The following ARHGAP10 variants were observed in gnomAD, a reference collection of about 807,000 sequenced individuals.
ARHGAP10 encodes the protein rho GTPase-activating protein 10.
A neutral mutation model predicts 108.6 loss-of-function variants in ARHGAP10; 87 were observed. That is an observed-to-expected ratio of 0.80 (90% confidence interval 0.67 to 0.96). The LOEUF (loss-of-function observed/expected upper bound fraction) is 0.96. ARHGAP10 is among the 40% of genes least tolerant of loss of function. The pLI is 0.00. For synonymous variants in ARHGAP10, 347 were observed against 341.1 expected (o/e 1.02, Z -0.19); for missense variants, 939 against 954.5 (o/e 0.98, Z 0.21).
At chr4:147,965,213 T>A in intron 17 of ARHGAP10, 84 bp downstream of exon 17, 3 of 970,218 alleles carry the variant, frequency 3.1e-6, no homozygotes, top group Non-Finnish European at 3.0e-6. Context: ...CGGGTGGAAC[T>A]GGGGACCACA....
At chr4:147,775,097 T>C (rs1730231168) in intron 1 of ARHGAP10, among the ~76,000 whole-genome samples, 1 of 152,132 alleles carries the variant, frequency 6.6e-6, no homozygotes, top group Non-Finnish European at 1.5e-5. Context: ...GTATTTTTAG[T>C]AGAGACGGGG....
chr4:147,900,957 A>C (rs1736212026), intron 10 of ARHGAP10, among the ~76,000 whole-genome samples: 1 of 152,152 alleles, frequency 6.6e-6, no homozygotes, highest in African/African-American at 2.4e-5. Flanking sequence ...AATGCGAATA[A>C]TCCAATATAC....
At chr4:147,777,471 C>T (rs1346782314) in intron 1 of ARHGAP10, among the ~76,000 whole-genome samples, 2 of 152,034 alleles carry the variant, frequency 1.3e-5, no homozygotes, top group African/African-American at 4.8e-5. Context: ...CTGTGTTAGC[C>T]AGGATGGTCT....
At chr4:148,050,681 T>A (rs545448652) in intron 20 of ARHGAP10, among the ~76,000 whole-genome samples, 1 of 145,664 alleles carries the variant, frequency 6.9e-6, no homozygotes, top group African/African-American at 2.8e-5. Flanking sequence ...TTGATTCATC[T>A]TCTTTCTTAT....
chr4:147,803,876 T>A (rs766682575), intron 1 of ARHGAP10, among the ~76,000 whole-genome samples: 1 of 152,246 alleles, frequency 6.6e-6, no homozygotes, highest in African/African-American at 2.4e-5. Context: ...TTGGCTGTTG[T>A]GACTACTGCT....
intron 1 of ARHGAP10, among the ~76,000 whole-genome samples, chr4:147,781,073 G>T (rs993257492): frequency 4.1e-4 from 62 of 152,240 alleles, no homozygotes; most frequent in African/African-American, 1.4e-3. Flanking sequence ...AGGACTACTG[G>T]CGGGGCCGGG....
chr4:147,798,609 G>A (rs1043621824), intron 1 of ARHGAP10, among the ~76,000 whole-genome samples: 6 of 151,560 alleles, frequency 4.0e-5, no homozygotes, highest in East Asian at 1.9e-4. Context: ...ATGAAACCCC[G>A]TCTCTACTAA....
At chr4:148,066,773 C>T (rs1729896447) in intron 22 of ARHGAP10, among the ~76,000 whole-genome samples, 1 of 152,210 alleles carries the variant, frequency 6.6e-6, no homozygotes, top group Non-Finnish European at 1.5e-5. Flanking sequence ...GATTCTTCAT[C>T]CTAAGCGGCA....
At chr4:147,956,426 G>C (rs1057267471) in intron 16 of ARHGAP10, among the ~76,000 whole-genome samples, 3 of 152,114 alleles carry the variant, frequency 2.0e-5, no homozygotes, top group Admixed American at 6.5e-5. Context: ...TATAAAAGAG[G>C]CTTTTGGAAA....
intron 1 of ARHGAP10, among the ~76,000 whole-genome samples, chr4:147,759,338 G>A (rs1729503108): frequency 6.6e-6 from 1 of 152,198 alleles, no homozygotes; most frequent in Non-Finnish European, 1.5e-5. Flanking sequence ...GAATTTATAA[G>A]TCATTGTTGT....
chr4:147,883,901 G>A (rs1392697550), intron 10 of ARHGAP10, among the ~76,000 whole-genome samples: 1 of 151,980 alleles, frequency 6.6e-6, no homozygotes. Flanking sequence ...TGCTATGTTG[G>A]CCAGGCTGGT....
At chr4:148,023,458 A>G (rs766170916) in intron 19 of ARHGAP10, 45 bp downstream of exon 19, 4 of 1,580,888 alleles carry the variant, frequency 2.5e-6, no homozygotes, top group Middle Eastern at 1.7e-4. Flanking sequence ...TGTTGAGAGT[A>G]TGGCGTATCA....
Position 147,757,161 on chromosome 4 carries a change from AAG to A in ARHGAP10, c.154+24707_154+24708del, listed in dbSNP as rs1729408694. 2.0e-5 allele frequency among the ~76,000 whole-genome samples: 3 copies of A among 152,018 alleles called. No homozygotes were observed. The South Asian group carries it at 6.2e-4, about 32-fold the overall frequency. ...GCAAACATTGGATATCAGAACCTGA[AAG>A]TTAATGGGAACACAGGACAGTCTAG... On this transcript the variant is annotated intron_variant, in intron 1 of 22. Transcript: ENST00000336498.
At chr4:147,815,536 TAAAAG>T (rs1732206886) in intron 1 of ARHGAP10, among the ~76,000 whole-genome samples, 1 of 152,056 alleles carries the variant, frequency 6.6e-6, no homozygotes, top group Non-Finnish European at 1.5e-5. Context: ...CAGTGGTCCT[TAAAAG>T]AGAGAAGAGA....
chr4:147,990,453 TAA>T (rs1178012116), intron 18 of ARHGAP10, among the ~76,000 whole-genome samples: 1 of 152,178 alleles, frequency 6.6e-6, no homozygotes, highest in Non-Finnish European at 1.5e-5. Flanking sequence ...CCAAGATAAC[TAA>T]AAGTCAGAGT....
intron 8 of ARHGAP10, 71 bp downstream of exon 8, chr4:147,875,221 G>A: frequency 2.1e-6 from 3 of 1,438,736 alleles, no homozygotes; most frequent in Non-Finnish European, 2.8e-6. Context: ...TGCTATTCTT[G>A]CCATTACTGT....
chr4:147,818,822 A>C (rs1205587734), intron 1 of ARHGAP10, among the ~76,000 whole-genome samples: 1 of 152,244 alleles, frequency 6.6e-6, no homozygotes, highest in Admixed American at 6.5e-5. Flanking sequence ...TTTAAAATGT[A>C]TAAAGTAATG....
chr4:148,063,080 G>A, intron 20 of ARHGAP10, 68 bp from the exon 21 acceptor site: 1 of 1,559,658 alleles, frequency 6.4e-7, no homozygotes. Flanking sequence ...CTGGGATTGG[G>A]ATGTTGTGCA....
At chr4:147,749,044 A>G (rs895657214) in intron 1 of ARHGAP10, among the ~76,000 whole-genome samples, 3 of 152,234 alleles carry the variant, frequency 2.0e-5, no homozygotes, top group Admixed American at 2.0e-4. Flanking sequence ...ATCTGGGCCT[A>G]GGGACTGCAC....
Sources: gnomAD v4.1 joint callset for allele counts (sites outside exome capture counted in the v4.1 genomes callset) on GRCh38, gnomAD v4.1.1 for gene constraint, MANE v1.5 for transcripts, NCBI Gene and HGNC (gene_info 2026-07-23, HGNC 2026-07-21) for gene names.